The following MYH2 variants were observed in gnomAD, a reference collection of about 807,000 sequenced individuals.
The protein encoded by MYH2 is myosin heavy chain 2, also known as myosin-2.
Under a neutral mutation model 228.1 loss-of-function variants are expected in MYH2, and 139 were observed. That is an observed-to-expected ratio of 0.61 (90% CI 0.53 to 0.70). MYH2 has a LOEUF of 0.70. Ranked by LOEUF, MYH2 falls within the 30% of genes least tolerant of loss-of-function variation. The probability of loss-of-function intolerance (pLI) is 0.00; values close to 1 mark genes in which losing one functional copy is unlikely to be tolerated. For missense variants in MYH2, 1,809 were observed against 2,357.5 expected (o/e 0.77, Z 4.82); for synonymous variants, 796 against 871.1 (o/e 0.91, Z 1.52).
intron 14 of MYH2, 108 bp downstream of exon 14, chr17:10,539,097 A>T (rs184079683): frequency 1.4e-5 from 23 of 1,596,918 alleles, no homozygotes; most frequent in African/African-American, 1.2e-4. Context: ...AAGGCTTAAA[A>T]TAATTTCTAC....
rs756540877 is a variant in MYH2 at position 10,528,726 on chromosome 17, G to C, written c.3708C>G (p.Asp1236Glu). 1.9e-6 allele frequency: 3 copies of C among 1,614,064 alleles called. No homozygotes were observed. Among genetic ancestry groups the C allele is most frequent in the Non-Finnish European group, 2.5e-6 (3 of 1,179,986 alleles). ...EKSEMKMEIDDLASNVETVSK... is the reference protein window; with the variant it reads ...EKSEMKMEIDELASNVETVSK... ...AGACCGTTTCTACATTACTAGCAAG[G>C]TCATCAATCTCCATCTTCATCTCAC... Residue 1236 changes from aspartate to glutamate, a missense_variant, in exon 27 of 40, where the codon GAC becomes GAG. Transcript: ENST00000245503.
At chr17:10,539,090 G>A in intron 14 of MYH2, 115 bp downstream of exon 14, 1 of 1,582,208 alleles carries the variant, frequency 6.3e-7, no homozygotes, top group South Asian at 1.1e-5. Context: ...CTCTTTTAAG[G>A]CTTAAAATAA....
At position 10,524,428 on chromosome 17, in the gene MYH2, A is replaced by G; in HGVS notation, c.5175+38T>C. On this transcript the variant is annotated intron_variant, in intron 35 of 39. Coordinates refer to ENST00000245503, the MANE Select transcript of MYH2 (RefSeq NM_017534.6). The surrounding 1 kb of genome is among the most constrained non-coding windows in gnomAD (Gnocchi z 4.7). ...CAGGCTTATCTATTCTGGGACATAT[A>G]AAATTTACTAAGGAGAGTTCTTTGT... The G allele has an allele frequency of 1.2e-6, 2 of 1,613,492 alleles. No individual in the cohort carries two copies. The highest frequency in any genetic ancestry group is 1.7e-6 in the Non-Finnish European group (2 of 1,179,392).
rs563146441 is a variant in MYH2, at chr17:10,539,483, G to T, written c.1227C>A (p.Val409=). ...LKALCYPRVK[V]GNEYVTKGQT... ...GGCCTTTGGTGACATACTCATTGCC[G>T]ACCTTGACCCTGGGGTAGCAGAGAG... Residue 409 remains valine (V), a synonymous_variant, in exon 13 of 40, where the codon GTC becomes GTA. Transcript: ENST00000245503. 3 of 1,613,988 alleles carry T rather than the reference G, an allele frequency of 1.9e-6. No homozygotes were observed. In the African/African-American group the frequency reaches 4.0e-5, roughly 22 times the overall value.
At position 10,546,279 on chromosome 17, in the gene MYH2, A is replaced by ATATATATATATATATATG. The variant is rs2073630422; in HGVS notation, c.349-778_349-777insCATATATATATATATATA. Among the ~76,000 whole-genome samples, 3 of 137,314 alleles carry ATATATATATATATATATG rather than the reference A, an allele frequency of 2.2e-5. 1 individual carries two copies. The highest frequency in any genetic ancestry group is 4.7e-5 in the Non-Finnish European group (3 of 64,154). 90.1% of individuals were successfully genotyped at this position (137,314 alleles called of 152,430 possible). On this transcript the variant is annotated intron_variant, in intron 4 of 39. Coordinates refer to ENST00000245503, the MANE Select transcript of MYH2 (RefSeq NM_017534.6). ...ATGATATATATATATATATATATAT[A>ATATATATATATATATATG]TATATATATACATCATGATTACAAT...
Position 10,528,654 on chromosome 17 carries a change from T to C in MYH2, c.3744+36A>G, listed in dbSNP as rs11871446. On this transcript the variant is annotated intron_variant, in intron 27 of 39. Coordinates refer to ENST00000245503, the MANE Select transcript of MYH2 (RefSeq NM_017534.6). ...CAAACTATGATGTGTCCATAATGCA[T>C]TATTTTCAATAACAATTTCCCAGAA... 423 of 1,613,820 alleles carry C rather than the reference T, an allele frequency of 2.6e-4. No individual in the cohort carries two copies. In the African/African-American group the frequency reaches 5.1e-3, roughly 20 times the overall value.
chr17:10,544,642 A>G (rs1204033342), intron 5 of MYH2, among the ~76,000 whole-genome samples: 1 of 152,226 alleles, frequency 6.6e-6, no homozygotes, highest in East Asian at 1.9e-4. Flanking sequence ...AGTTTTAGAA[A>G]TACGGCTTTG....
chr17:10,544,700 C>T (rs1282015762), intron 5 of MYH2, among the ~76,000 whole-genome samples: 1 of 152,166 alleles, frequency 6.6e-6, no homozygotes, highest in Non-Finnish European at 1.5e-5. Flanking sequence ...GTTTTACTGT[C>T]TCTGAAGAGG....
Position 10,529,230 on chromosome 17 carries a change from G to A in MYH2, c.3286C>T (p.Leu1096=). Residue 1096 remains leucine, a synonymous_variant, in exon 26 of 40, where the codon CTG becomes TTG. Coordinates refer to ENST00000245503, the MANE Select transcript of MYH2 (RefSeq NM_017534.6). ...LKKKEFEISN[L]QSKIEDEQAL... is the part of the protein sequence containing the mutation. ...TGTTCATCTTCAATCTTGCTTTGCA[G>A]ATTGCTGATTTCAAACTCTTTCCTT... is the stretch of plus-strand genomic sequence containing the variant. 6.2e-7 allele frequency: 1 copy of A among 1,614,212 alleles called. No homozygotes were observed. Among genetic ancestry groups the A allele is most frequent in the South Asian group, 1.1e-5 (1 of 91,082 alleles).
chr17:10,548,715 T>C (rs2142326712), intron 2 of MYH2, among the ~76,000 whole-genome samples: 1 of 152,310 alleles, frequency 6.6e-6, no homozygotes, highest in East Asian at 1.9e-4. Context: ...CTATTCCAAA[T>C]TTTCCTTTGA....
chr17:10,545,630 C>T, intron 4 of MYH2, 128 bp from the exon 5 acceptor site: 40 of 1,269,092 alleles, frequency 3.2e-5, no homozygotes, highest in South Asian at 5.2e-5. Flanking sequence ...AGTGGTGCTA[C>T]CTCAGCTCAC....
At position 10,543,911 on chromosome 17, in the gene MYH2, G is replaced by T. The variant is rs1597457722; in HGVS notation, c.639C>A (p.Gly213=). 3.7e-6 allele frequency: 6 copies of T among 1,614,144 alleles called. No homozygotes were observed. The highest frequency in any genetic ancestry group is 5.1e-6 in the Non-Finnish European group (6 of 1,180,012). Residue 213 remains glycine, a synonymous_variant, in exon 7 of 40, where the codon GGC becomes GGA. Coordinates refer to ENST00000245503, the MANE Select transcript of MYH2 (RefSeq NM_017534.6). ...TGACAATCAGACTCACCTGTATTTT[G>T]CCAGAAGTAATTTCTTCCTTCTTCT... ...GEKKKEEITS[G]KIQGTLEDQI...
intron 5 of MYH2, among the ~76,000 whole-genome samples, chr17:10,544,565 C>T (rs924264231): frequency 5.3e-5 from 8 of 151,902 alleles, no homozygotes; most frequent in Admixed American, 4.6e-4. Flanking sequence ...GGGTGCAAGG[C>T]GTAATGAAGA....
intron 17 of MYH2, among the ~76,000 whole-genome samples, chr17:10,536,283 C>G (rs2073481286): frequency 6.6e-6 from 1 of 151,834 alleles, no homozygotes; most frequent in Non-Finnish European, 1.5e-5. Context: ...TGCATGTAAC[C>G]CAACACCACC....
rs2073332561 is a variant in MYH2 at position 10,524,991 on chromosome 17, A to G, written c.4737T>C (p.Asp1579=). 6 of 1,614,006 alleles carry G rather than the reference A, an allele frequency of 3.7e-6. No homozygotes were observed. Among genetic ancestry groups the G allele is most frequent in the Non-Finnish European group, 5.1e-6 (6 of 1,180,000 alleles). Residue 1579 remains aspartate (D), a synonymous_variant, in exon 34 of 40, where the codon GAT becomes GAC. Coordinates refer to ENST00000245503, the MANE Select transcript of MYH2 (RefSeq NM_017534.6). This position sits in a 1 kb window ranked among gnomAD's most constrained non-coding sequence, Gnocchi z 4.7. ...LELNQVKSEV[D]RKIAEKDEEI... ...CCTCATCTTTTTCAGCAATTTTCCT[A>G]TCAACCTCAGACTTGACTTGGTTCA...
intron 4 of MYH2, among the ~76,000 whole-genome samples, chr17:10,546,256 G>GATATATATATATAGATATAT (rs2073628220): frequency 3.0e-5 from 2 of 66,102 alleles, no homozygotes; most frequent in South Asian, 1.7e-3. Context: ...GACACGAAAT[G>GATATATATATATAGATATAT]ATATATATAT....
In MYH2 at chr17:10,530,038, C is replaced by T. The variant is rs1183452702; in HGVS notation, c.2734G>A (p.Asp912Asn). ...EGLADAEERC[D>N]QLIKTKIQLE... ...TGGATTTTGGTTTTGATTAGCTGGT[C>T]ACACCTTTCCTCTGCATCAGCCAAG... The change falls in exon 23 of 40, where the codon GAC becomes AAC. Residue 912 changes from aspartate to asparagine, a missense_variant. Physicochemically the swap from Asp to Asn is conservative, Grantham distance 23 (BLOSUM62 1). Coordinates refer to ENST00000245503, the MANE Select transcript of MYH2 (RefSeq NM_017534.6). 1 of 1,614,068 alleles carries T rather than the reference C, an allele frequency of 6.2e-7. No individual in the cohort carries two copies. The highest frequency in any genetic ancestry group is 2.2e-5 in the East Asian group (1 of 44,890).
intron 21 of MYH2, among the ~76,000 whole-genome samples, chr17:10,532,137 C>T (rs896710854): frequency 2.6e-5 from 4 of 152,178 alleles, no homozygotes; most frequent in African/African-American, 7.2e-5. Flanking sequence ...GACTCCTGAA[C>T]CTCACCTCCG....
rs756435553 is a variant in MYH2, at chr17:10,542,856, G to T, written c.904+19C>A. The T allele has an allele frequency of 3.7e-5, 57 of 1,525,714 alleles. No homozygotes were observed. Among genetic ancestry groups the T allele is most frequent in the Admixed American group, 2.3e-4 (14 of 59,582 alleles). The allele number at this position is 1,525,714 out of a possible 1,614,324, so 94.5% of individuals were successfully genotyped here. The stretch of plus-strand genomic sequence containing the variant: ...GTACTGATGCAGTAATTCTGGAAAA[G>T]AATTATGACATTTCTTACCAATAAG... On this transcript the variant is annotated intron_variant, in intron 10 of 39. Transcript: ENST00000245503.
Sources: gnomAD v4.1 joint callset for allele counts (sites outside exome capture counted in the v4.1 genomes callset) on GRCh38, gnomAD v4.1.1 for gene constraint, Gnocchi (gnomAD v3.1) non-coding constraint, MANE v1.5 for transcripts, NCBI Gene and HGNC (gene_info 2026-07-23, HGNC 2026-07-21) for gene names.